Variants in ZNF680 observed in about 807,000 individuals in gnomAD.
ZNF680 encodes the protein zinc finger protein 680, also known as hypothetical protein FLJ90430.
A neutral mutation model predicts 12.1 loss-of-function variants in ZNF680; 6 were observed. That is an observed-to-expected ratio of 0.49 (90% CI 0.27 to 0.98). The LOEUF is 0.98. Ranked by LOEUF, ZNF680 falls within the 50% of genes least tolerant of loss-of-function variation. ZNF680 has a pLI of 0.12. For missense variants in ZNF680, 561 were observed against 616.3 expected (o/e 0.91, Z 0.95); for synonymous variants, 170 against 199.3 (o/e 0.85, Z 1.24).
intron 1 of ZNF680, among the ~76,000 whole-genome samples, chr7:64,546,699 C>G (rs1364610280): frequency 1.3e-5 from 2 of 152,126 alleles, no homozygotes; most frequent in Non-Finnish European, 2.9e-5. Flanking sequence ...GCCGAGATAG[C>G]ACCACTGCAC....
At chr7:64,524,950 T>A (rs890173532) in intron 3 of ZNF680, 7 of 152,124 alleles carry the variant, frequency 4.6e-5, no homozygotes, top group Admixed American at 4.6e-4. Context: ...AAATAATTAA[T>A]CTTGTGAAGA....
intron 1 of ZNF680, among the ~76,000 whole-genome samples, chr7:64,547,587 AAG>A (rs1169155877): frequency 7.2e-5 from 11 of 152,288 alleles, no homozygotes; most frequent in African/African-American, 2.6e-4. Context: ...TCTCAGGATA[AAG>A]AGCCCAGGAT....
rs17545405 is a variant in ZNF680, at chr7:64,526,082, T to C, written c.254-3582A>G. 6.7e-3 allele frequency: 6,377 copies of C among 950,468 alleles called. 52 individuals carry two copies. Among genetic ancestry groups the C allele is most frequent in the East Asian group, 0.033 (291 of 8,710 alleles). 58.9% of individuals were successfully genotyped at this position (950,468 alleles called of 1,614,324 possible). On this transcript the variant is annotated intron_variant, in intron 3 of 3. Coordinates refer to ENST00000309683, the MANE Select transcript of ZNF680 (RefSeq NM_178558.5). Reference sequence around the variant, plus strand: ...TCATGTGAGGTGGCATATCCTAAAATATATAAAACAAAAATATAAAATTCC... The same window carrying C: ...TCATGTGAGGTGGCATATCCTAAAACATATAAAACAAAAATATAAAATTCC...
At chr7:64,507,239 T>C in the ZNF680 span, among the ~76,000 whole-genome samples, 1 of 152,072 alleles carries the variant, frequency 6.6e-6, no homozygotes, top group Non-Finnish European at 1.5e-5. Flanking sequence ...TTAATAAAGT[T>C]TAACTCAAAA....
downstream of ZNF680, among the ~76,000 whole-genome samples, chr7:64,516,254 T>C (rs901769153): frequency 1.4e-4 from 22 of 152,224 alleles, no homozygotes; most frequent in African/African-American, 3.1e-4. Context: ...AAACTCTAAG[T>C]GTTATCTCAA....
chr7:64,499,246 C>T, the ZNF680 span, among the ~76,000 whole-genome samples: 34,310 of 150,162 alleles, frequency 0.23, 4,064 homozygotes, highest in South Asian at 0.29. Flanking sequence ...GTGAAAAATA[C>T]TTACAGCTAC....
At chr7:64,560,206 C>CG (rs1408200363) in intron 1 of ZNF680, among the ~76,000 whole-genome samples, 1 of 151,582 alleles carries the variant, frequency 6.6e-6, no homozygotes, top group Non-Finnish European at 1.5e-5. Context: ...CTCCACCCCC[C>CG]GGGTTCAAGC....
At chr7:64,514,059 T>C in the ZNF680 span, among the ~76,000 whole-genome samples, 2 of 152,166 alleles carry the variant, frequency 1.3e-5, no homozygotes, top group Non-Finnish European at 2.9e-5. Context: ...TATTTCAGAA[T>C]ATCAAGTGTT....
the ZNF680 span, among the ~76,000 whole-genome samples, chr7:64,505,349 A>G: frequency 3.9e-5 from 6 of 152,252 alleles, no homozygotes; most frequent in Non-Finnish European, 8.8e-5. Flanking sequence ...GTATTACAGT[A>G]TAGTAAAACC....
chr7:64,542,000 G>C (rs1352274641), intron 3 of ZNF680, among the ~76,000 whole-genome samples: 1 of 152,108 alleles, frequency 6.6e-6, no homozygotes, highest in African/African-American at 2.4e-5. Flanking sequence ...TCTGATATAA[G>C]GCCCACCATA....
chr7:64,555,779 TAAAG>T (rs1213854504), intron 1 of ZNF680, among the ~76,000 whole-genome samples: 1 of 149,318 alleles, frequency 6.7e-6, no homozygotes, highest in Non-Finnish European at 1.5e-5. Context: ...GCTACAATAA[TAAAG>T]AAATAAGAGA....
intron 1 of ZNF680, among the ~76,000 whole-genome samples, chr7:64,558,011 ATAAAAGT>A (rs986734587): frequency 3.9e-5 from 6 of 152,222 alleles, no homozygotes; most frequent in African/African-American, 1.4e-4. Context: ...TGAAACAAAA[ATAAAAGT>A]TAAAAGGAAT....
At chr7:64,554,429 C>T (rs112993945) in intron 1 of ZNF680, among the ~76,000 whole-genome samples, 34,183 of 151,576 alleles carry the variant, frequency 0.23, 4,040 homozygotes, top group South Asian at 0.28. Context: ...AGCCCCCACC[C>T]GGCCGCTGCC....
chr7:64,559,890 T>C (rs1405786413), intron 1 of ZNF680, among the ~76,000 whole-genome samples: 1 of 152,176 alleles, frequency 6.6e-6, no homozygotes, highest in African/African-American at 2.4e-5. Context: ...TTAAAAATTA[T>C]GTAGTAAACA....
At chr7:64,545,319 TA>T (rs1786733180) in intron 1 of ZNF680, among the ~76,000 whole-genome samples, 1 of 142,022 alleles carries the variant, frequency 7.0e-6, no homozygotes, top group Non-Finnish European at 1.6e-5. Context: ...AGTTTTTCTG[TA>T]AATAAAGATG....
the ZNF680 span, among the ~76,000 whole-genome samples, chr7:64,505,869 T>G: frequency 6.6e-6 from 1 of 152,152 alleles, no homozygotes; most frequent in South Asian, 2.1e-4. Flanking sequence ...ATATATTTCC[T>G]GCCACGTGGC....
chr7:64,546,680 T>A (rs919162044), intron 1 of ZNF680, among the ~76,000 whole-genome samples: 5 of 152,032 alleles, frequency 3.3e-5, no homozygotes, highest in African/African-American at 1.2e-4. Context: ...AAGGCAGAGG[T>A]TGCAGTGAGC....
At chr7:64,512,457 CAAAAAAAAAAAA>C in the ZNF680 span, among the ~76,000 whole-genome samples, 3 of 87,224 alleles carry the variant, frequency 3.4e-5, no homozygotes, top group East Asian at 7.4e-4. Context: ...CCGTCTCCAG[CAAAAAAAAAAAA>C]AAAAAAAAAA....
At chr7:64,507,518 A>AT in the ZNF680 span, among the ~76,000 whole-genome samples, 80,947 of 148,698 alleles carry the variant, frequency 0.54, 22,980 homozygotes, top group African/African-American at 0.68. Flanking sequence ...CAATTATTCT[A>AT]TTTTTTTTTT....
Sources: gnomAD v4.1 joint callset for allele counts (sites outside exome capture counted in the v4.1 genomes callset) on GRCh38, gnomAD v4.1.1 for gene constraint, MANE v1.5 for transcripts, NCBI Gene and HGNC (gene_info 2026-07-23, HGNC 2026-07-21) for gene names.